Variants in B3GALNT2 observed in about 807,000 individuals in gnomAD.
B3GALNT2 encodes UDP-GalNAc:beta-1,3-N-acetylgalactosaminyltransferase 2.
In B3GALNT2, 53 loss-of-function variants were observed where a neutral mutation model predicts 61.1. That is an observed-to-expected ratio of 0.87 (90% CI 0.70 to 1.09). The LOEUF (loss-of-function observed/expected upper bound fraction) is 1.09, where lower values mean the gene tolerates loss of function less well. Ranked by LOEUF, B3GALNT2 falls within the 50% of genes least tolerant of loss-of-function variation. B3GALNT2 has a pLI of 0.00. For synonymous variants in B3GALNT2, 223 were observed against 237.4 expected, an observed-to-expected ratio of 0.94 and a Z score of 0.56; for missense variants, 544 against 623.0, an observed-to-expected ratio of 0.87 and a Z score of 1.35.
At chr1:235,453,796 CA>C (rs1683039739) in intron 10 of B3GALNT2, among the ~76,000 whole-genome samples, 1 of 151,890 alleles carries the variant, frequency 6.6e-6, no homozygotes, top group African/African-American at 2.4e-5. Context: ...TAAGTAGGCT[CA>C]AAAAAGATTT....
chr1:235,440,513 C>T, the B3GALNT2 span, among the ~76,000 whole-genome samples: 2 of 152,186 alleles, frequency 1.3e-5, no homozygotes, highest in Non-Finnish European at 2.9e-5. Flanking sequence ...CTGCTTCAGC[C>T]TCCTGAGAAG....
chr1:235,476,183 G>A (rs1572523166), intron 5 of B3GALNT2, among the ~76,000 whole-genome samples: 1 of 151,960 alleles, frequency 6.6e-6, no homozygotes, highest in Admixed American at 6.5e-5. Flanking sequence ...CAAGGCAGGC[G>A]GGCGGATCAT....
rs1480155345 is a variant in B3GALNT2, at chr1:235,448,735, T to C, written c.*1471A>G. The C allele has an allele frequency of 6.2e-7, 1 of 1,613,704 alleles. No homozygotes were observed. Among genetic ancestry groups the C allele is most frequent in the Non-Finnish European group, 8.5e-7 (1 of 1,179,866 alleles). The stretch of plus-strand genomic sequence containing the variant: ...CATTACAGTTTTATTCTGTGGAAAA[T>C]GGAGATTGTCTATTAGTGCGATGGT... On this transcript the variant is annotated 3_prime_UTR_variant, in exon 12 of 12. Transcript: ENST00000366600.
In B3GALNT2 at chr1:235,448,335, T is replaced by C. The variant is rs150827657; in HGVS notation, c.*1871A>G. On this transcript the variant is annotated 3_prime_UTR_variant, in exon 12 of 12. Coordinates refer to ENST00000366600, the MANE Select transcript of B3GALNT2 (RefSeq NM_152490.5). ...ATTTGAGAGAACGAATGGACTTTTCTTGTCTTTTGATAGGCTCCATGACAA... is the reference window on the plus strand; with the variant it reads ...ATTTGAGAGAACGAATGGACTTTTCCTGTCTTTTGATAGGCTCCATGACAA... The C allele has an allele frequency of 2.1e-3, 3,384 of 1,613,370 alleles. 18 individuals carry two copies. The highest frequency in any genetic ancestry group is 1.6e-3 in the Non-Finnish European group (1,832 of 1,179,288).
intron 5 of B3GALNT2, 29 bp from the exon 6 acceptor site, chr1:235,470,989 A>T (rs948850097): frequency 6.2e-7 from 1 of 1,609,812 alleles, no homozygotes; most frequent in African/African-American, 1.3e-5. Flanking sequence ...TAGTGAGTCA[A>T]TTTCCTTATT....
chr1:235,448,472 T>C lies in B3GALNT2; in HGVS notation c.*1734A>G, dbSNP rs1290321499. On this transcript the variant is annotated 3_prime_UTR_variant, in exon 12 of 12. Transcript: ENST00000366600. ...TGCCCAGCAAAATACAAAGTCAAAG[T>C]CAAGCTTAGTCCTCGTATTATGACA... 6.3e-7 allele frequency: 1 copy of C among 1,591,312 alleles called. No homozygotes were observed. The highest frequency in any genetic ancestry group is 8.6e-7 in the Non-Finnish European group (1 of 1,159,408).
At chr1:235,450,381 C>T (rs1244316209) in intron 11 of B3GALNT2, 41 bp from the exon 12 acceptor site, 1 of 1,605,912 alleles carries the variant, frequency 6.2e-7, no homozygotes, top group African/African-American at 1.3e-5. Context: ...AGTGGTGAAA[C>T]TGTTTTAAGA....
intron 4 of B3GALNT2, among the ~76,000 whole-genome samples, chr1:235,481,327 A>C (rs1233050780): frequency 9.9e-5 from 15 of 152,184 alleles, no homozygotes; most frequent in Admixed American, 3.9e-4. Context: ...TACTTGATTG[A>C]TAACTCGCAC....
chr1:235,496,395 C>CTT (rs1685324195), intron 1 of B3GALNT2: 2 of 805,294 alleles, frequency 2.5e-6, no homozygotes, highest in South Asian at 7.1e-5. Flanking sequence ...AAAACGAATT[C>CTT]TTTTATAAAG....
At chr1:235,474,987 A>ATTTTTTTTTT (rs1160445883) in intron 5 of B3GALNT2, among the ~76,000 whole-genome samples, 6 of 35,568 alleles carry the variant, frequency 1.7e-4, no homozygotes, top group East Asian at 8.9e-4. Flanking sequence ...ATATATATAT[A>ATTTTTTTTTT]TTTTTTTTTT....
intron 6 of B3GALNT2, among the ~76,000 whole-genome samples, chr1:235,466,869 C>T (rs965510064): frequency 2.0e-5 from 3 of 152,162 alleles, no homozygotes; most frequent in African/African-American, 7.2e-5. Context: ...TGGGCTAGAT[C>T]AGACAGTTAA....
At chr1:235,447,022 T>C (rs1682384847), downstream of B3GALNT2, among the ~76,000 whole-genome samples, 1 of 152,148 alleles carries the variant, frequency 6.6e-6, no homozygotes, top group African/African-American at 2.4e-5. Flanking sequence ...CTGGCATGTG[T>C]TAGGAGTATG....
chr1:235,471,951 C>T (rs560485974), intron 5 of B3GALNT2, among the ~76,000 whole-genome samples: 1 of 150,878 alleles, frequency 6.6e-6, no homozygotes, highest in African/African-American at 2.4e-5. Context: ...GCATGAGCCA[C>T]GGCGCCCTGC....
At chr1:235,441,936 AAC>A in the B3GALNT2 span, 8 of 1,496,220 alleles carry the variant, frequency 5.3e-6, no homozygotes, top group Non-Finnish European at 7.4e-6. Context: ...TAGGTGCTGA[AAC>A]AGTTAGTGTG....
Position 235,504,312 on chromosome 1 carries a change from C to A in B3GALNT2, c.-60G>T. ...TCCCGGCGGAGAGGGAGGGGACCTG[C>A]AAGTGCGGAGACTGAGGGGCGGCGG... On this transcript the variant is annotated 5_prime_UTR_variant, in exon 1 of 12. Coordinates refer to ENST00000366600, the MANE Select transcript of B3GALNT2 (RefSeq NM_152490.5). 2 of 1,459,446 alleles carry A rather than the reference C, an allele frequency of 1.4e-6. No individual in the cohort carries two copies. Among genetic ancestry groups the A allele is most frequent in the Non-Finnish European group, 1.8e-6 (2 of 1,109,404 alleles). The allele number at this position is 1,459,446 out of a possible 1,614,324, so 90.4% of individuals were successfully genotyped here. A position where few individuals can be genotyped will look rare whatever the true frequency, so the allele number is the denominator to read the frequency against.
At chr1:235,500,459 G>A (rs769443568) in intron 1 of B3GALNT2, among the ~76,000 whole-genome samples, 23 of 152,264 alleles carry the variant, frequency 1.5e-4, no homozygotes, top group African/African-American at 3.4e-4. Context: ...CAGCCTGGGC[G>A]ACAGAGTGAA....
downstream of B3GALNT2, among the ~76,000 whole-genome samples, chr1:235,445,669 C>CT (rs1005468852): frequency 5.3e-5 from 8 of 151,430 alleles, no homozygotes; most frequent in East Asian, 3.9e-4. Context: ...ACTGCAATAT[C>CT]TTTTTTTTTA....
chr1:235,494,702 T>A lies in B3GALNT2; in HGVS notation c.239A>T (p.Gln80Leu), dbSNP rs1303419524. The A allele has an allele frequency of 6.2e-7, 1 of 1,613,140 alleles. No individual in the cohort carries two copies. Among genetic ancestry groups the A allele is most frequent in the Admixed American group, 1.7e-5 (1 of 59,940 alleles). Residue 80 changes from glutamine (Q) to leucine (L), a missense_variant, in exon 2 of 12, where the codon CAG becomes CTG. Transcript: ENST00000366600. Reference sequence around the variant, plus strand: ...CTACCGTTGACTTAATGTGGGATGCTGTAGCAAATGTCTCATCCAGGTGCT... The same window carrying A: ...CTACCGTTGACTTAATGTGGGATGCAGTAGCAAATGTCTCATCCAGGTGCT... ...IRSTWMRHLLQHPTLSQRVLV... is the reference protein window; with the variant it reads ...IRSTWMRHLLLHPTLSQRVLV...
downstream of B3GALNT2, among the ~76,000 whole-genome samples, chr1:235,445,678 T>A (rs1304031148): frequency 2.6e-5 from 4 of 151,978 alleles, no homozygotes; most frequent in African/African-American, 9.7e-5. Flanking sequence ...TCTTTTTTTT[T>A]ATCCATTAGA....
Sources: gnomAD v4.1 joint callset for allele counts (sites outside exome capture counted in the v4.1 genomes callset) on GRCh38, gnomAD v4.1.1 for gene constraint, MANE v1.5 for transcripts, NCBI Gene and HGNC (gene_info 2026-07-23, HGNC 2026-07-21) for gene names.